HMCES: variants seen among roughly 807,000 people sequenced by gnomAD.
HMCES encodes the protein 5-hydroxymethylcytosine binding, ES cell specific, also known as abasic site processing protein HMCES.
In HMCES, 27 loss-of-function variants were observed where a neutral mutation model predicts 35.1. The observed-to-expected ratio is 0.77, with a 90% confidence interval of 0.57 to 1.06. HMCES has a LOEUF of 1.06. HMCES is among the 50% of genes least tolerant of loss of function. The pLI, the probability that HMCES is intolerant of heterozygous loss-of-function variation, is 0.00. For missense variants in HMCES, 391 were observed against 430.4 expected, an observed-to-expected ratio of 0.91 and a Z score of 0.81; for synonymous variants, 130 against 154.7, an observed-to-expected ratio of 0.84 and a Z score of 1.18.
Position 129,279,370 on chromosome 3 carries a change from A to G in HMCES, c.-23-340A>G, listed in dbSNP as rs999124451. On this transcript the variant is annotated intron_variant, in intron 1 of 6. Transcript: ENST00000383463. This position sits in a 1 kb window ranked among gnomAD's most constrained non-coding sequence, Gnocchi z 4.2. ...GGGGGAAGGACGGGGAGTTGGGGGC[A>G]CCAAGTCACCCGGAGGAGGCGACCC... Among the ~76,000 whole-genome samples the G allele has an allele frequency of 2.0e-5, 3 of 152,144 alleles. No individual in the cohort carries two copies. The highest frequency in any genetic ancestry group is 6.5e-5 in the Admixed American group (1 of 15,284).
At chr3:129,286,052 G>T (rs1940630502) in intron 2 of HMCES, among the ~76,000 whole-genome samples, 1 of 152,292 alleles carries the variant, frequency 6.6e-6, no homozygotes, top group Admixed American at 6.5e-5. Flanking sequence ...TTTTGAACCA[G>T]GATCTCCTTA....
In HMCES at chr3:129,279,966, TCTC is replaced by T. The variant is rs766852849; in HGVS notation, c.183+54_183+56del. On this transcript the variant is annotated intron_variant, in intron 2 of 6. Transcript: ENST00000383463. This position sits in a 1 kb window ranked among gnomAD's most constrained non-coding sequence, Gnocchi z 4.2. ...CCCTCGCCCAGCCTCGTGATGGTCA[TCTC>T]CTATTTGGTTTGGTGTGTGCTCAGC... The T allele has an allele frequency of 8.2e-6, 12 of 1,460,454 alleles. No homozygotes were observed. Among genetic ancestry groups the T allele is most frequent in the Admixed American group, 5.0e-5 (2 of 40,026 alleles). 90.5% of individuals were successfully genotyped at this position (1,460,454 alleles called of 1,614,324 possible).
intron 6 of HMCES, among the ~76,000 whole-genome samples, chr3:129,303,890 ACACCAC>A (rs2071201944): frequency 6.6e-6 from 1 of 151,754 alleles, no homozygotes; most frequent in Admixed American, 6.6e-5. Context: ...CTACAAGCGT[ACACCAC>A]CATGCCTGGC....
chr3:129,292,509 T>TA (rs2071033304), intron 4 of HMCES, among the ~76,000 whole-genome samples: 2 of 149,836 alleles, frequency 1.3e-5, no homozygotes, highest in Non-Finnish European at 3.0e-5. Context: ...TTTTTTTTTT[T>TA]TGAGACAGAG....
At position 129,300,166 on chromosome 3, in the gene HMCES, T is replaced by TTATATATA. The variant is rs35145445; in HGVS notation, c.635+1650_635+1657dup. Among the ~76,000 whole-genome samples the TTATATATA allele has an allele frequency of 3.4e-3, 485 of 141,194 alleles. 1 individual carries two copies. The highest frequency in any genetic ancestry group is 0.011 in the African/African-American group (439 of 39,362). The allele number at this position is 141,194 out of a possible 152,430, so 92.6% of individuals were successfully genotyped here. On this transcript the variant is annotated intron_variant, in intron 5 of 6. Transcript: ENST00000383463. ...TGTTTGAGATGTTAAATGTGCATCTTTATATATATATATATATATATATAT... is the reference window on the plus strand; with the variant it reads ...TGTTTGAGATGTTAAATGTGCATCTTTATATATATATATATATATATATATATATATAT...
Position 129,305,040 on chromosome 3 carries a change from A to G in HMCES, c.*215A>G, listed in dbSNP as rs1049792313. On this transcript the variant is annotated 3_prime_UTR_variant, in exon 7 of 7. Transcript: ENST00000383463. ...AGGTGTCCTGCTGCTGTTACCAGCC[A>G]TGTGGGCCCCATAGGGGCACTGCGC... 4 of 579,386 alleles carry G rather than the reference A, an allele frequency of 6.9e-6. No individual in the cohort carries two copies. The highest frequency in any genetic ancestry group is 1.2e-5 in the Non-Finnish European group (4 of 326,244). The allele number at this position is 579,386 out of a possible 1,614,324, so 35.9% of individuals were successfully genotyped here. A position where few individuals can be genotyped will look rare whatever the true frequency, so the allele number is the denominator to read the frequency against.
At chr3:129,283,772 G>A (rs1397415801) in intron 2 of HMCES, among the ~76,000 whole-genome samples, 2 of 152,120 alleles carry the variant, frequency 1.3e-5, no homozygotes, top group African/African-American at 2.4e-5. Flanking sequence ...GGAGGTTGCA[G>A]TGAGCCAAGA....
rs369330426 is a variant in HMCES, at chr3:129,288,950, A to G, written c.280A>G (p.Thr94Ala). 91 of 1,601,228 alleles carry G rather than the reference A, an allele frequency of 5.7e-5. No individual in the cohort carries two copies. The highest frequency in any genetic ancestry group is 7.7e-5 in the Non-Finnish European group (90 of 1,169,960). ...ESDPSKLQFN[T>A]TNCRSDTVME... ...TGATCCTTCCAAGCTGCAGTTCAAT[A>G]CTACCAACTGTCGTAGTGATACCGT... is the stretch of plus-strand genomic sequence containing the variant. Residue 94 changes from threonine to alanine, a missense_variant, in exon 3 of 7, where the codon ACT becomes GCT. Transcript: ENST00000383463.
intron 5 of HMCES, among the ~76,000 whole-genome samples, chr3:129,299,560 C>G (rs1462358087): frequency 6.6e-6 from 1 of 151,864 alleles, no homozygotes; most frequent in Non-Finnish European, 1.5e-5. Context: ...CCACTACTAG[C>G]ACTAAAAGGA....
chr3:129,283,761 C>T (rs1288632138), intron 2 of HMCES, among the ~76,000 whole-genome samples: 1 of 151,946 alleles, frequency 6.6e-6, no homozygotes, highest in Non-Finnish European at 1.5e-5. Flanking sequence ...ACGTGGGAGG[C>T]GGAGGTTGCA....
intron 4 of HMCES, among the ~76,000 whole-genome samples, chr3:129,297,593 C>T (rs953792444): frequency 2.0e-5 from 3 of 152,046 alleles, no homozygotes; most frequent in Non-Finnish European, 4.4e-5. Context: ...GCAAACTCCT[C>T]TGAGGTTTGC....
intron 2 of HMCES, among the ~76,000 whole-genome samples, chr3:129,287,228 TTTTG>T (rs916005525): frequency 3.3e-5 from 5 of 151,574 alleles, no homozygotes; most frequent in African/African-American, 1.2e-4. Context: ...TTTTGTTTTG[TTTTG>T]TTTTTTTTGA....
chr3:129,297,532 C>T (rs1005795389), intron 4 of HMCES, among the ~76,000 whole-genome samples: 7 of 152,106 alleles, frequency 4.6e-5, no homozygotes, highest in East Asian at 3.9e-4. Context: ...TGCCCTGTGC[C>T]GTCTTTTTCG....
intron 2 of HMCES, among the ~76,000 whole-genome samples, chr3:129,282,627 T>C (rs763834256): frequency 1.3e-5 from 2 of 152,250 alleles, no homozygotes; most frequent in Non-Finnish European, 2.9e-5. Flanking sequence ...GGTTTCTTAA[T>C]TTTGATAATA....
chr3:129,292,435 T>C (rs2107691869), intron 4 of HMCES, among the ~76,000 whole-genome samples: 1 of 150,310 alleles, frequency 6.7e-6, no homozygotes, highest in South Asian at 2.1e-4. Flanking sequence ...GAGGGTGCAG[T>C]GAGCCGAGAT....
intron 6 of HMCES, among the ~76,000 whole-genome samples, chr3:129,303,117 G>C (rs2107700893): frequency 6.6e-6 from 1 of 152,252 alleles, no homozygotes; most frequent in South Asian, 2.1e-4. Flanking sequence ...AGGATCCAGA[G>C]GGTGTATTTT....
intron 2 of HMCES, among the ~76,000 whole-genome samples, chr3:129,284,360 A>G (rs1446845858): frequency 6.6e-6 from 1 of 152,240 alleles, no homozygotes; most frequent in Non-Finnish European, 1.5e-5. Flanking sequence ...TTAGTCAGGC[A>G]TGAGTTATAG....
chr3:129,281,924 C>G (rs1940502428), intron 2 of HMCES, among the ~76,000 whole-genome samples: 2 of 108,198 alleles, frequency 1.8e-5, no homozygotes, highest in African/African-American at 8.5e-5. Flanking sequence ...AAGACTCAGT[C>G]TCAAAAAAAA....
chr3:129,298,626 G>C, intron 5 of HMCES, 91 bp downstream of exon 5: 3 of 1,084,816 alleles, frequency 2.8e-6, no homozygotes, highest in Non-Finnish European at 4.0e-6. Context: ...AGGAAACCAA[G>C]TCATTTTACA....
Sources: allele counts gnomAD v4.1 joint callset (sites outside exome capture counted in the v4.1 genomes callset), GRCh38; gene constraint gnomAD v4.1.1; non-coding constraint Gnocchi (gnomAD v3.1); transcripts MANE v1.5; gene names NCBI Gene and HGNC (gene_info 2026-07-23, HGNC 2026-07-21).